Variants in KRT12 observed in about 807,000 individuals in gnomAD.
The protein encoded by KRT12 is keratin, type I cytoskeletal 12.
Under a neutral mutation model 50.2 loss-of-function variants are expected in KRT12, and 43 were observed. That is an observed-to-expected ratio of 0.86 (90% CI 0.67 to 1.11). The LOEUF (loss-of-function observed/expected upper bound fraction) is 1.11, where lower values mean the gene tolerates loss of function less well. Ranked by LOEUF, KRT12 falls within the 50% of genes least tolerant of loss-of-function variation. The probability of loss-of-function intolerance (pLI) is 0.00; values close to 1 mark genes in which losing one functional copy is unlikely to be tolerated. For missense variants in KRT12, 588 were observed against 625.6 expected, an observed-to-expected ratio of 0.94 and a Z score of 0.64; for synonymous variants, 257 against 253.6, an observed-to-expected ratio of 1.01 and a Z score of -0.13.
chr17:40,867,170 T>G lies in KRT12; in HGVS notation c.17A>C (p.Asn6Thr), dbSNP rs1473405391. The change falls in exon 1 of 8, where the codon AAC becomes ACC. Residue 6 changes from asparagine (N) to threonine (T), a missense_variant. By Grantham distance (65) the Asn-to-Thr change is moderately conservative (BLOSUM62 0). Coordinates refer to ENST00000251643, the MANE Select transcript of KRT12 (RefSeq NM_000223.4). Reference protein sequence around the residue: MDLSNNTMSLSVRTPG... With the variant: MDLSNTTMSLSVRTPG... ...GGTGCGCACTGAGAGTGACATGGTG[T>G]TGTTGGAGAGATCCATGGCCTGGGG... 2 of 1,607,096 alleles carry G rather than the reference T, an allele frequency of 1.2e-6. No homozygotes were observed. Among genetic ancestry groups the G allele is most frequent in the East Asian group, 2.2e-5 (1 of 44,860 alleles).
At chr17:40,866,438 A>T (rs1410567156) in intron 1 of KRT12, among the ~76,000 whole-genome samples, 182 bp downstream of exon 1, 1 of 152,230 alleles carries the variant, frequency 6.6e-6, no homozygotes, top group African/African-American at 2.4e-5. Flanking sequence ...CAGAAAGATA[A>T]TGGAAATACA....
In KRT12 at chr17:40,863,283, G is replaced by T. The variant is rs201445680; in HGVS notation, c.1156C>A (p.Gln386Lys). ...AEGDYCAQLS[Q>K]VQQLISNLEA... ...AGGTTGCTGATGAGCTGCTGCACCT[G>T]GGACAGCTGCGCGCAGTAATCGCCC... Residue 386 changes from glutamine (Q) to lysine (K), a missense_variant, in exon 6 of 8, where the codon CAG (glutamine) becomes AAG (lysine). By Grantham distance (53) the Gln-to-Lys change is moderately conservative (BLOSUM62 1). Transcript: ENST00000251643. This position sits in a 1 kb window ranked among gnomAD's most constrained non-coding sequence, Gnocchi z 4.2. 129 of 1,613,984 alleles carry T rather than the reference G, an allele frequency of 8.0e-5. No homozygotes were observed. The highest frequency in any genetic ancestry group is 1.7e-6 in the Non-Finnish European group (2 of 1,179,990).
chr17:40,864,904 G>C lies in KRT12; in HGVS notation c.709C>G (p.Arg237Gly). 6.2e-7 allele frequency: 1 copy of C among 1,614,190 alleles called. No individual in the cohort carries two copies. Among genetic ancestry groups the C allele is most frequent in the Non-Finnish European group, 8.5e-7 (1 of 1,180,036 alleles). ...GVEADINGLR[R>G]VLDELTLTRT... ...GTCAGGGTCAGCTCGTCCAGCACCCGGCGCAGGCCATTGATGTCGGCCTCT... is the reference window on the plus strand; with the variant it reads ...GTCAGGGTCAGCTCGTCCAGCACCCCGCGCAGGCCATTGATGTCGGCCTCT... Residue 237 changes from arginine (R) to glycine (G), a missense_variant, in exon 3 of 8, where the codon CGG (arginine) becomes GGG (glycine). Coordinates refer to ENST00000251643, the MANE Select transcript of KRT12 (RefSeq NM_000223.4).
intron 7 of KRT12, 29 bp downstream of exon 7, chr17:40,862,536 T>C (rs1352648128): frequency 6.0e-6 from 9 of 1,510,578 alleles, no homozygotes; most frequent in African/African-American, 2.7e-5. Flanking sequence ...TTCCGACTTA[T>C]TCTAAGTGAT....
intron 7 of KRT12, 49 bp from the exon 8 acceptor site, chr17:40,861,807 T>C (rs748073127): frequency 8.6e-7 from 1 of 1,163,592 alleles, no homozygotes; most frequent in Non-Finnish European, 1.3e-6. Flanking sequence ...TTTCAAATAT[T>C]AATCCAACAC....
Position 40,864,657 on chromosome 17 carries a change from C to G in KRT12, c.807+149G>C. 7.2e-6 allele frequency: 6 copies of G among 832,290 alleles called. No homozygotes were observed. The South Asian group carries it at 8.8e-5, about 12-fold the overall frequency. 51.6% of individuals were successfully genotyped at this position (832,290 alleles called of 1,614,324 possible). On this transcript the variant is annotated intron_variant, in intron 3 of 7. Coordinates refer to ENST00000251643, the MANE Select transcript of KRT12 (RefSeq NM_000223.4). ...ACACACACATACCACACACATCACA[C>G]AGAAATCTAAAACAAATGGCCATTT...
In KRT12 at chr17:40,866,839, A is replaced by AT. The variant is rs1567743072; in HGVS notation, c.347dup (p.Asn116LysfsTer2). The AT allele has an allele frequency of 6.2e-7, 1 of 1,614,082 alleles. No homozygotes were observed. The highest frequency in any genetic ancestry group is 8.5e-7 in the Non-Finnish European group (1 of 1,180,008). ...CTGATCCAGAAAGAAGGCCTCCATC[A>AT]TTGCCCGAGAGAATACCTAGAGAGC... On this transcript the variant is annotated frameshift_variant, in exon 1 of 8. Coordinates refer to ENST00000251643, the MANE Select transcript of KRT12 (RefSeq NM_000223.4). LOFTEE classifies it high-confidence loss of function.
At position 40,867,151 on chromosome 17, in the gene KRT12, C is replaced by T. The variant is rs1268877948; in HGVS notation, c.36G>A (p.Val12=). ...GCCGCCGGGACAGTCCGGGGGTGCG[C>T]ACTGAGAGTGACATGGTGTTGTTGG... ...DLSNNTMSLS[V]RTPGLSRRLS... The change falls in exon 1 of 8, where the codon GTG becomes GTA. Residue 12 remains valine, a synonymous_variant. Coordinates refer to ENST00000251643, the MANE Select transcript of KRT12 (RefSeq NM_000223.4). 1 of 1,609,688 alleles carries T rather than the reference C, an allele frequency of 6.2e-7. No homozygotes were observed. The highest frequency in any genetic ancestry group is 2.2e-5 in the East Asian group (1 of 44,878).
chr17:40,866,638 A>C lies in KRT12; in HGVS notation c.549T>G (p.Ile183Met), dbSNP rs1306741969. 1.9e-6 allele frequency: 3 copies of C among 1,613,936 alleles called. No homozygotes were observed. The highest frequency in any genetic ancestry group is 2.5e-6 in the Non-Finnish European group (3 of 1,179,954). ...QSDYSKYYPL[I>M]EDLRNKIISA... ...ATCTTACCTTATTCCTGAGGTCTTC[A>C]ATCAGTGGATAATATTTGCTGTAAT... The change falls in exon 1 of 8, where the codon ATT becomes ATG. Residue 183 changes from isoleucine to methionine, a missense_variant. Coordinates refer to ENST00000251643, the MANE Select transcript of KRT12 (RefSeq NM_000223.4).
chr17:40,864,384 C>T (rs540547835), intron 3 of KRT12, among the ~76,000 whole-genome samples: 2 of 152,244 alleles, frequency 1.3e-5, no homozygotes, highest in Admixed American at 6.5e-5. Flanking sequence ...ACCATGGCAC[C>T]TCAGAGTTTT....
Position 40,866,229 on chromosome 17 carries a change from T to C in KRT12, c.576A>G (p.Ser192=). The change falls in exon 2 of 8, where the codon TCA becomes TCG. Residue 192 remains serine (S), a synonymous_variant. Coordinates refer to ENST00000251643, the MANE Select transcript of KRT12 (RefSeq NM_000223.4). ...LIEDLRNKII[S]ASIGNAQLLL... is the part of the protein sequence containing the mutation. ...GGAGCTGGGCATTTCCAATGCTGGC[T>C]GAAATGATCTGGCAAAAGAGAGGGA... is the stretch of plus-strand genomic sequence containing the variant. 6.2e-7 allele frequency: 1 copy of C among 1,613,946 alleles called. No individual in the cohort carries two copies. The highest frequency in any genetic ancestry group is 8.5e-7 in the Non-Finnish European group (1 of 1,179,832).
rs1321447707 is a variant in KRT12 at position 40,867,021 on chromosome 17, C to T, written c.166G>A (p.Gly56Ser). The T allele has an allele frequency of 4.4e-6, 7 of 1,598,700 alleles. No homozygotes were observed. Among genetic ancestry groups the T allele is most frequent in the Non-Finnish European group, 6.0e-6 (7 of 1,172,718 alleles). The change falls in exon 1 of 8, where the codon GGC (glycine) becomes AGC (serine). Residue 56 changes from glycine to serine, a missense_variant. Physicochemically the swap from Gly to Ser is moderately conservative, Grantham distance 56 (BLOSUM62 0). Transcript: ENST00000251643. Reference sequence around the variant, plus strand: ...CCAAACATGGAAGCAGCAGAAAAGCCTCCCCCACAGCTGGCTCCAAAGCCA... The same window carrying T: ...CCAAACATGGAAGCAGCAGAAAAGCTTCCCCCACAGCTGGCTCCAAAGCCA... ...AFGFGASCGG[G>S]FSAASMFGSS...
chr17:40,863,094 G>C lies in KRT12; in HGVS notation c.1316+29C>G. ...TGCCCACTCTTGGTCAGCCCCTGAA[G>C]GTGTTTACAGCCTCCGTTGTCTGCT... On this transcript the variant is annotated intron_variant, in intron 6 of 7. Coordinates refer to ENST00000251643, the MANE Select transcript of KRT12 (RefSeq NM_000223.4). The surrounding 1 kb of genome is among the most constrained non-coding windows in gnomAD (Gnocchi z 4.2). 1 of 1,595,288 alleles carries C rather than the reference G, an allele frequency of 6.3e-7. No homozygotes were observed. Among genetic ancestry groups the C allele is most frequent in the South Asian group, 1.1e-5 (1 of 90,710 alleles).
chr17:40,863,477 G>C lies in KRT12; in HGVS notation c.1095+8C>G. 1 of 1,614,188 alleles carries C rather than the reference G, an allele frequency of 6.2e-7. No homozygotes were observed. The highest frequency in any genetic ancestry group is 8.5e-7 in the Non-Finnish European group (1 of 1,180,038). ...AAGGATGCTACGTCTGTTTGCGCAC[G>C]AGCCTACCATGGCGAGCTGGGACTG... On this transcript the variant is annotated splice_region_variant and intron_variant, in intron 5 of 7. Transcript: ENST00000251643. This position sits in a 1 kb window ranked among gnomAD's most constrained non-coding sequence, Gnocchi z 4.2.
intron 3 of KRT12, among the ~76,000 whole-genome samples, chr17:40,864,349 C>T (rs987659028): frequency 5.3e-5 from 8 of 152,120 alleles, no homozygotes; most frequent in African/African-American, 1.7e-4. Context: ...GCCAGCATCC[C>T]TTCCCTACCT....
intron 2 of KRT12, among the ~76,000 whole-genome samples, chr17:40,865,934 C>T (rs987830711): frequency 1.3e-5 from 2 of 152,156 alleles, no homozygotes; most frequent in South Asian, 2.1e-4. Context: ...CTACAAATAT[C>T]GTGATCCATA....
At position 40,861,705 on chromosome 17, in the gene KRT12, C is replaced by A; in HGVS notation, c.1441G>T (p.Glu481Ter). ...TCCTGAACTTGAGATGAGACCACCT[C>A]ACCATTCACCATCTCCTGCACAACT... Reference protein sequence around the residue: ...KTVVQEMVNGEVVSSQVQEIE... With the variant: ...KTVVQEMVNG The change falls in exon 8 of 8, where the codon GAG (glutamate) becomes TAG (stop). Residue 481 changes from glutamate (E) to a stop codon, truncating the protein, a stop_gained. Coordinates refer to ENST00000251643, the MANE Select transcript of KRT12 (RefSeq NM_000223.4). LOFTEE classifies it high-confidence loss of function. 6.2e-7 allele frequency: 1 copy of A among 1,613,940 alleles called. No homozygotes were observed. The highest frequency in any genetic ancestry group is 8.5e-7 in the Non-Finnish European group (1 of 1,179,826).
chr17:40,864,836 C>G lies in KRT12; in HGVS notation c.777G>C (p.Glu259Asp). ...CGTGGTTCTTCTTCATGTAGGCCAG[C>G]TCCTCGTTCAGGCTCTCGATCTGCA... ...LEMQIESLNE[E>D]LAYMKKNHED... is the part of the protein sequence containing the mutation. Residue 259 changes from glutamate to aspartate, a missense_variant, in exon 3 of 8, where the codon GAG (glutamate) becomes GAC (aspartate). Transcript: ENST00000251643. 2 of 1,614,200 alleles carry G rather than the reference C, an allele frequency of 1.2e-6. No individual in the cohort carries two copies. The highest frequency in any genetic ancestry group is 2.2e-5 in the South Asian group (2 of 91,082).
Position 40,861,391 on chromosome 17 carries a change from G to A in KRT12, c.*270C>T. On this transcript the variant is annotated 3_prime_UTR_variant, in exon 8 of 8. Coordinates refer to ENST00000251643, the MANE Select transcript of KRT12 (RefSeq NM_000223.4). ...GATTAAAAAATATTCCGGGTTACCAGAAGAAAGTTCGTTAAAAGACTACTC... is the reference window on the plus strand; with the variant it reads ...GATTAAAAAATATTCCGGGTTACCAAAAGAAAGTTCGTTAAAAGACTACTC... The A allele has an allele frequency of 2.1e-6, 1 of 485,246 alleles. No homozygotes were observed. The highest frequency in any genetic ancestry group is 3.7e-5 in the East Asian group (1 of 27,216). The allele number at this position is 485,246 out of a possible 1,614,324, so 30.1% of individuals were successfully genotyped here.
Sources: gnomAD v4.1 joint callset for allele counts (sites outside exome capture counted in the v4.1 genomes callset) on GRCh38, gnomAD v4.1.1 for gene constraint, Gnocchi (gnomAD v3.1) non-coding constraint, MANE v1.5 for transcripts, NCBI Gene and HGNC (gene_info 2026-07-23, HGNC 2026-07-21) for gene names.